C8orf34: variants seen among roughly 807,000 people sequenced by gnomAD.
C8orf34 encodes uncharacterized protein C8orf34.
C8orf34 carries 65 observed loss-of-function variants against 68.3 expected under a neutral mutation model. The ratio of observed to expected loss-of-function variants is 0.95; its 90% CI spans 0.78 to 1.17. The LOEUF is 1.17. Ranked by LOEUF, C8orf34 falls within the 50% of genes most tolerant of loss-of-function variation. The probability of loss-of-function intolerance (pLI) is 0.00; values close to 1 mark genes in which losing one functional copy is unlikely to be tolerated. For missense variants in C8orf34, 664 were observed against 655.4 expected, an observed-to-expected ratio of 1.01 and a Z score of -0.14; for synonymous variants, 244 against 241.2, an observed-to-expected ratio of 1.01 and a Z score of -0.11.
chr8:68,740,605 G>A (rs1214381917), intron 10 of C8orf34, among the ~76,000 whole-genome samples: 1 of 152,122 alleles, frequency 6.6e-6, no homozygotes, highest in East Asian at 1.9e-4. Context: ...TGGTGGGGTT[G>A]CAGAGAAAAA....
chr8:68,774,744 T>C lies in C8orf34; in HGVS notation c.1405-1655T>C, dbSNP rs1254464904. On this transcript the variant is annotated intron_variant, in intron 10 of 13. Transcript: ENST00000518698. ...TACTTGCAAGAATACATCACAATTT[T>C]TTTTAAAAAAAACTAAAATGAATTT... Among the ~76,000 whole-genome samples the C allele has an allele frequency of 8.2e-3, 1,245 of 151,526 alleles. 15 individuals carry two copies. Among genetic ancestry groups the C allele is most frequent in the African/African-American group, 0.029 (1,197 of 41,214 alleles).
Position 68,659,952 on chromosome 8 carries a change from C to A in C8orf34, c.1241+19441C>A, listed in dbSNP as rs575968262. Among the ~76,000 whole-genome samples the A allele has an allele frequency of 3.3e-5, 5 of 152,238 alleles. No individual in the cohort carries two copies. In the East Asian group the frequency reaches 7.7e-4, roughly 24 times the overall value. ...ACAAAATATCCAATGTAGTTACAGT[C>A]AAAAACACAATTGACAAATAAATTT... On this transcript the variant is annotated intron_variant, in intron 8 of 13. Coordinates refer to ENST00000518698, the MANE Select transcript of C8orf34 (RefSeq NM_052958.4).
intron 10 of C8orf34, among the ~76,000 whole-genome samples, chr8:68,770,413 A>G (rs938241987): frequency 6.6e-6 from 1 of 152,270 alleles, no homozygotes; most frequent in African/African-American, 2.4e-5. Context: ...GGGAACATAC[A>G]TGTTGGCACA....
At chr8:68,705,929 C>T (rs952860079) in intron 8 of C8orf34, among the ~76,000 whole-genome samples, 12 of 152,070 alleles carry the variant, frequency 7.9e-5, no homozygotes, top group Non-Finnish European at 1.0e-4. Flanking sequence ...TTGCGCTCTG[C>T]GCGTTGGAAA....
chr8:68,794,763 A>G (rs1040016318), intron 12 of C8orf34, among the ~76,000 whole-genome samples: 1 of 151,858 alleles, frequency 6.6e-6, no homozygotes, highest in Non-Finnish European at 1.5e-5. Flanking sequence ...CTAGGATTAC[A>G]GACATGAGCC....
chr8:68,769,000 T>A (rs530402885), intron 10 of C8orf34, among the ~76,000 whole-genome samples: 110 of 152,236 alleles, frequency 7.2e-4, no homozygotes, highest in African/African-American at 2.5e-3. Context: ...CGTGTGGTCT[T>A]TTTTGTCTAG....
At chr8:68,481,651 G>T (rs1812865104) in intron 4 of C8orf34, among the ~76,000 whole-genome samples, 1 of 152,198 alleles carries the variant, frequency 6.6e-6, no homozygotes, top group Admixed American at 6.5e-5. Flanking sequence ...GGAGTTAAAG[G>T]AGATCATTTT....
intron 7 of C8orf34, among the ~76,000 whole-genome samples, chr8:68,545,137 G>A (rs976527998): frequency 6.6e-6 from 1 of 152,070 alleles, no homozygotes; most frequent in African/African-American, 2.4e-5. Context: ...ATTCCCATCT[G>A]TTGTGGGAGG....
In C8orf34 at chr8:68,468,820, A is replaced by G; in HGVS notation, c.736A>G (p.Ser246Gly). 5 of 1,608,498 alleles carry G rather than the reference A, an allele frequency of 3.1e-6. No individual in the cohort carries two copies. Among genetic ancestry groups the G allele is most frequent in the Non-Finnish European group, 3.4e-6 (4 of 1,177,930 alleles). Residue 246 changes from serine (S) to glycine (G), a missense_variant and splice_region_variant, in exon 4 of 14, where the codon AGT becomes GGT. By Grantham distance (56) the Ser-to-Gly change is moderately conservative (BLOSUM62 0). Transcript: ENST00000518698. ...GAAAGCCCTTGAGAATCTCTCTCGA[A>G]GTAAGTTCATTTACTTGATTATAAT... ...LGKALENLSR[S>G]IAISDELDKE...
chr8:68,522,378 A>C (rs769710890), intron 6 of C8orf34, among the ~76,000 whole-genome samples: 17 of 152,338 alleles, frequency 1.1e-4, no homozygotes, highest in Non-Finnish European at 2.5e-4. Context: ...TGTATAATAG[A>C]CCATAGGAGG....
At chr8:68,777,469 A>G (rs999631068) in intron 11 of C8orf34, among the ~76,000 whole-genome samples, 2 of 152,252 alleles carry the variant, frequency 1.3e-5, no homozygotes, top group Admixed American at 6.5e-5. Context: ...TAAATGCTCA[A>G]TGTGGCAAGA....
intron 10 of C8orf34, among the ~76,000 whole-genome samples, chr8:68,728,021 CAT>C (rs1405601437): frequency 6.6e-6 from 1 of 152,212 alleles, no homozygotes; most frequent in Non-Finnish European, 1.5e-5. Context: ...TTTTCTATCA[CAT>C]AGTCAGGCTG....
At chr8:68,522,740 C>T (rs912380379) in intron 6 of C8orf34, among the ~76,000 whole-genome samples, 1 of 152,014 alleles carries the variant, frequency 6.6e-6, no homozygotes, top group African/African-American at 2.4e-5. Context: ...TGCAAAGTAT[C>T]TGGGGTGAAA....
intron 1 of C8orf34, among the ~76,000 whole-genome samples, chr8:68,432,776 G>A (rs1024844897): frequency 1.3e-5 from 2 of 152,090 alleles, no homozygotes; most frequent in African/African-American, 4.8e-5. Flanking sequence ...TCAGAGAGAT[G>A]TCTGTCCTGT....
At chr8:68,729,748 C>G (rs1821929201) in intron 10 of C8orf34, among the ~76,000 whole-genome samples, 1 of 152,022 alleles carries the variant, frequency 6.6e-6, no homozygotes, top group African/African-American at 2.4e-5. Context: ...TTTAGTGGAC[C>G]TTTACATTAT....
At chr8:68,411,292 T>G (rs2129622184) in intron 1 of C8orf34, among the ~76,000 whole-genome samples, 1 of 152,310 alleles carries the variant, frequency 6.6e-6, no homozygotes, top group East Asian at 1.9e-4. Flanking sequence ...TGGTCTTTAT[T>G]TAGTGTTGAA....
Position 68,596,753 on chromosome 8 carries a change from A to G in C8orf34, c.1106-43623A>G, listed in dbSNP as rs1221797748. On this transcript the variant is annotated intron_variant, in intron 7 of 13. Coordinates refer to ENST00000518698, the MANE Select transcript of C8orf34 (RefSeq NM_052958.4). ...CACAACTTTTGTCATGGAGGTAGAC[A>G]TTATCTCCAAACAATCCTGCCTTCT... Among the ~76,000 whole-genome samples the G allele has an allele frequency of 2.6e-5, 4 of 152,106 alleles. No individual in the cohort carries two copies. In the East Asian group the frequency reaches 5.8e-4, roughly 22 times the overall value.
At chr8:68,490,754 A>G (rs763841875) in intron 5 of C8orf34, among the ~76,000 whole-genome samples, 7 of 152,132 alleles carry the variant, frequency 4.6e-5, no homozygotes, top group Admixed American at 1.3e-4. Flanking sequence ...GGAGTGCTAG[A>G]TAACAGAAAG....
At chr8:68,546,837 T>C (rs1254498366) in intron 7 of C8orf34, among the ~76,000 whole-genome samples, 1 of 151,448 alleles carries the variant, frequency 6.6e-6, no homozygotes, top group Non-Finnish European at 1.5e-5. Context: ...TAATAACAAA[T>C]GGGTCAAAGA....
Sources: allele counts gnomAD v4.1 joint callset (sites outside exome capture counted in the v4.1 genomes callset), GRCh38; gene constraint gnomAD v4.1.1; transcripts MANE v1.5; gene names NCBI Gene and HGNC (gene_info 2026-07-23, HGNC 2026-07-21).